The following MYH10 variants were observed in gnomAD, a reference collection of about 807,000 sequenced individuals.
MYH10 encodes the protein myosin heavy chain 10.
In MYH10, 55 loss-of-function variants were observed where a neutral mutation model predicts 257.8. The ratio of observed to expected loss-of-function variants is 0.21; its 90% confidence interval spans 0.17 to 0.27. The LOEUF (loss-of-function observed/expected upper bound fraction) is 0.27, where lower values mean the gene tolerates loss of function less well. Ranked by LOEUF, MYH10 falls within the 10% of genes least tolerant of loss-of-function variation. The pLI is 1.00. For missense variants in MYH10, 1,631 were observed against 2,500.6 expected, an observed-to-expected ratio of 0.65 and a Z score of 7.42; for synonymous variants, 854 against 921.7, an observed-to-expected ratio of 0.93 and a Z score of 1.33.
At chr17:8,543,045 A>G (rs1017217577) in intron 13 of MYH10, among the ~76,000 whole-genome samples, 3 of 152,200 alleles carry the variant, frequency 2.0e-5, no homozygotes, top group Non-Finnish European at 4.4e-5. Context: ...GATTGGGCGA[A>G]TGCATAGATG....
intron 37 of MYH10, among the ~76,000 whole-genome samples, 186 bp downstream of exon 37, chr17:8,483,948 ACTTT>A (rs1914308737): frequency 6.6e-6 from 1 of 152,212 alleles, no homozygotes; most frequent in Non-Finnish European, 1.5e-5. Flanking sequence ...CGAAGTGATA[ACTTT>A]CTGTTTCCAA....
chr17:8,596,706 C>G (rs1311405191), intron 3 of MYH10, among the ~76,000 whole-genome samples: 3 of 148,808 alleles, frequency 2.0e-5, no homozygotes, highest in African/African-American at 7.7e-5. Flanking sequence ...CTACCTGTTA[C>G]CCTCACAAGA....
chr17:8,485,524 G>T (rs764685631), intron 36 of MYH10, among the ~76,000 whole-genome samples: 3 of 134,328 alleles, frequency 2.2e-5, no homozygotes, highest in Non-Finnish European at 4.6e-5. Flanking sequence ...TTTACTCAAA[G>T]AATTTATATC....
Position 8,492,552 on chromosome 17 carries a change from G to GA in MYH10, c.4459-44dup, listed in dbSNP as rs757121526. 6.1e-5 allele frequency: 95 copies of GA among 1,559,802 alleles called. No individual in the cohort carries two copies. The Admixed American group carries it at 1.7e-3, about 28-fold the overall frequency. ...GGGGAATACGAAAAACCGAAACAGT[G>GA]ACATCAACTTTTCTCTTCCACCATG... On this transcript the variant is annotated intron_variant, in intron 33 of 42. Coordinates refer to ENST00000360416, the MANE Select transcript of MYH10 (RefSeq NM_001256012.3).
intron 2 of MYH10, among the ~76,000 whole-genome samples, chr17:8,609,652 TA>T (rs2084950361): frequency 6.6e-6 from 1 of 151,802 alleles, no homozygotes; most frequent in Admixed American, 6.6e-5. Flanking sequence ...TCTGAAAACG[TA>T]AAATTAAAAT....
chr17:8,488,093 GC>G (rs1400088364), intron 35 of MYH10, among the ~76,000 whole-genome samples: 1 of 152,182 alleles, frequency 6.6e-6, no homozygotes, highest in Admixed American at 6.5e-5. Flanking sequence ...AGCAGTCAAA[GC>G]TGTCCAATGG....
chr17:8,497,927 CTA>C (rs1045512313), intron 30 of MYH10, among the ~76,000 whole-genome samples: 4 of 147,756 alleles, frequency 2.7e-5, no homozygotes, highest in Non-Finnish European at 5.9e-5. Flanking sequence ...TATAAGTAAT[CTA>C]GAGATGATTT....
intron 7 of MYH10, among the ~76,000 whole-genome samples, chr17:8,566,450 G>A (rs1218131426): frequency 6.6e-6 from 1 of 152,160 alleles, no homozygotes. Flanking sequence ...TGGCTGCCAT[G>A]TCATGGCAAC....
At chr17:8,558,406 C>T (rs1038036786) in intron 7 of MYH10, among the ~76,000 whole-genome samples, 1 of 152,074 alleles carries the variant, frequency 6.6e-6, no homozygotes, top group Non-Finnish European at 1.5e-5. Flanking sequence ...CCGAGCCTAC[C>T]AATCTTAGTG....
intron 35 of MYH10, among the ~76,000 whole-genome samples, chr17:8,488,876 A>G (rs1033948540): frequency 6.6e-6 from 1 of 152,184 alleles, no homozygotes; most frequent in African/African-American, 2.4e-5. Flanking sequence ...AGCCACTTAC[A>G]TGAATTTCAA....
At chr17:8,556,873 T>C (rs1597821057) in intron 7 of MYH10, among the ~76,000 whole-genome samples, 1 of 152,202 alleles carries the variant, frequency 6.6e-6, no homozygotes, top group African/African-American at 2.4e-5. Context: ...ATGGCCCCTG[T>C]GCTAGGATGA....
rs1597576446 is a variant in MYH10 at position 8,475,698 on chromosome 17, C to T, written c.*106G>A. ...TGGAGAGCCTTAAGACACAGTTGAT[C>T]TTTCAGGAAGGAATCCCGTAGCTTG... On this transcript the variant is annotated 3_prime_UTR_variant, in exon 43 of 43. Coordinates refer to ENST00000360416, the MANE Select transcript of MYH10 (RefSeq NM_001256012.3). 1 of 1,360,934 alleles carries T rather than the reference C, an allele frequency of 7.3e-7. No individual in the cohort carries two copies. The highest frequency in any genetic ancestry group is 2.3e-5 in the East Asian group (1 of 43,332). The allele number at this position is 1,360,934 out of a possible 1,614,324, so 84.3% of individuals were successfully genotyped here.
At chr17:8,595,201 G>C (rs1851800903) in intron 3 of MYH10, among the ~76,000 whole-genome samples, 1 of 152,194 alleles carries the variant, frequency 6.6e-6, no homozygotes, top group African/African-American at 2.4e-5. Flanking sequence ...GGCAGCACTA[G>C]TGTTTATTCC....
chr17:8,533,626 A>G (rs1191879758), intron 16 of MYH10, among the ~76,000 whole-genome samples: 2 of 152,178 alleles, frequency 1.3e-5, no homozygotes, highest in Non-Finnish European at 2.9e-5. Flanking sequence ...TGTTTAATCA[A>G]CAAATCATTA....
In MYH10 at chr17:8,530,612, T is replaced by C. The variant is rs1165722023; in HGVS notation, c.1957+11A>G. 6.5e-7 allele frequency: 1 copy of C among 1,544,858 alleles called. No individual in the cohort carries two copies. Among genetic ancestry groups the C allele is most frequent in the Non-Finnish European group, 8.7e-7 (1 of 1,143,124 alleles). On this transcript the variant is annotated intron_variant, in intron 17 of 42. Transcript: ENST00000360416. ...TCTGTTTTGGAAGACCTACAGGCTT[T>C]ATACATTCACCTGGTGGCTCATGAA...
At chr17:8,544,903 G>A (rs1348047077) in intron 13 of MYH10, among the ~76,000 whole-genome samples, 2 of 152,218 alleles carry the variant, frequency 1.3e-5, no homozygotes, top group Non-Finnish European at 2.9e-5. Context: ...GCCCGTCCAG[G>A]TGCCTCCCTC....
chr17:8,488,219 G>A (rs536394646), intron 35 of MYH10, among the ~76,000 whole-genome samples: 1 of 152,308 alleles, frequency 6.6e-6, no homozygotes, highest in East Asian at 1.9e-4. Context: ...CTCACTCTGT[G>A]GCACTCTTCA....
intron 30 of MYH10, among the ~76,000 whole-genome samples, chr17:8,496,278 G>A (rs746410280): frequency 9.9e-5 from 15 of 152,198 alleles, no homozygotes; most frequent in African/African-American, 3.4e-4. Context: ...GAGAGTGGAC[G>A]GTGGCACAGC....
intron 2 of MYH10, among the ~76,000 whole-genome samples, chr17:8,617,663 T>C (rs1229090261): frequency 6.6e-6 from 1 of 152,174 alleles, no homozygotes; most frequent in African/African-American, 2.4e-5. Context: ...CAAGTACATG[T>C]ATATGGCTGT....
Sources: allele counts gnomAD v4.1 joint callset (sites outside exome capture counted in the v4.1 genomes callset), GRCh38; gene constraint gnomAD v4.1.1; transcripts MANE v1.5; gene names NCBI Gene and HGNC (gene_info 2026-07-23, HGNC 2026-07-21).